Variants in CYFIP1 observed in about 807,000 individuals in gnomAD.
CYFIP1 encodes the protein cytoplasmic FMR1 interacting protein 1.
In CYFIP1, 58 loss-of-function variants were observed where a neutral mutation model predicts 163.5. That is an observed-to-expected ratio of 0.35 (90% confidence interval 0.29 to 0.44). The LOEUF (loss-of-function observed/expected upper bound fraction) is 0.44, where lower values mean the gene tolerates loss of function less well. Among genes scored for constraint, CYFIP1 ranks in the 20% least tolerant of loss-of-function variants. CYFIP1 has a pLI of 1.00. For missense variants in CYFIP1, 1,338 were observed against 1,653.8 expected (o/e 0.81, Z 3.31); for synonymous variants, 663 against 660.7 (o/e 1.00, Z -0.05).
chr15:22,870,016 C>T lies in CYFIP1; in HGVS notation c.*12G>A, dbSNP rs779569092. 6.3e-7 allele frequency: 1 copy of T among 1,581,170 alleles called. No homozygotes were observed. Among genetic ancestry groups the T allele is most frequent in the Non-Finnish European group, 8.6e-7 (1 of 1,168,570 alleles). Reference sequence around the variant, plus strand: ...GCATGCCATGTTGAGTTACGGAGTGCAGCGCGTGCCCTCAGCTGCTGGCGA... The same window carrying T: ...GCATGCCATGTTGAGTTACGGAGTGTAGCGCGTGCCCTCAGCTGCTGGCGA... On this transcript the variant is annotated 3_prime_UTR_variant, in exon 31 of 31. Coordinates refer to ENST00000617928, the MANE Select transcript of CYFIP1 (RefSeq NM_014608.6).
At chr15:22,919,650 C>T (rs767942329) in intron 13 of CYFIP1, among the ~76,000 whole-genome samples, 6 of 152,128 alleles carry the variant, frequency 3.9e-5, no homozygotes, top group Non-Finnish European at 7.4e-5. Flanking sequence ...TTAATAGCAC[C>T]AGTGAAACAT....
intron 23 of CYFIP1, among the ~76,000 whole-genome samples, chr15:22,888,726 CCT>C (rs2059989250): frequency 7.4e-6 from 1 of 134,394 alleles, no homozygotes; most frequent in African/African-American, 2.6e-5. Context: ...AAGCAAAAAC[CCT>C]GTCTCAAAAA....
intron 16 of CYFIP1, among the ~76,000 whole-genome samples, chr15:22,915,840 G>A (rs535222782): frequency 6.6e-6 from 1 of 152,286 alleles, no homozygotes; most frequent in South Asian, 2.1e-4. Context: ...CACACTCAGG[G>A]AGGTCTGTCT....
chr15:22,927,770 C>T (rs995656170), intron 12 of CYFIP1, 136 bp downstream of exon 12: 3 of 837,598 alleles, frequency 3.6e-6, no homozygotes, highest in African/African-American at 1.8e-5. Flanking sequence ...CTTAAAATCA[C>T]CTTGGAAACA....
At chr15:22,927,788 T>G in intron 12 of CYFIP1, 118 bp downstream of exon 12, 1 of 984,776 alleles carries the variant, frequency 1.0e-6, no homozygotes, top group Non-Finnish European at 1.4e-6. Flanking sequence ...ACATATCTAC[T>G]GATAGATATT....
chr15:22,897,088 C>T (rs570142906), intron 22 of CYFIP1, among the ~76,000 whole-genome samples: 1 of 152,164 alleles, frequency 6.6e-6, no homozygotes, highest in South Asian at 2.1e-4. Flanking sequence ...TGGCACATGC[C>T]TGTAATCTCA....
Position 22,968,675 on chromosome 15 carries a change from ACCTTATC to A in CYFIP1, c.-7+11605_-7+11611del, listed in dbSNP as rs2062992290. On this transcript the variant is annotated intron_variant, in intron 1 of 30. Transcript: ENST00000617928. ...GAAAACACAACTTGTGCATATGAAA[ACCTTATC>A]CCTGTGGTCTCCTTGACAGGAACAA... Among the ~76,000 whole-genome samples, 4 of 152,062 alleles carry A rather than the reference ACCTTATC, an allele frequency of 2.6e-5. No individual in the cohort carries two copies. In the South Asian group the frequency reaches 8.3e-4, roughly 32 times the overall value.
Position 22,916,589 on chromosome 15 carries a change from G to A in CYFIP1, c.1716C>T (p.Asp572=), listed in dbSNP as rs756110936. Residue 572 remains aspartate, a synonymous_variant, in exon 16 of 31, where the codon GAC becomes GAT. Transcript: ENST00000617928. Reference sequence around the variant, plus strand: ...TCAAGGTTTTCTTGGAACCACTTTTGTCTGCAATGAGGGACTCTAGCATGG... The same window carrying A: ...TCAAGGTTTTCTTGGAACCACTTTTATCTGCAATGAGGGACTCTAGCATGG... ...VRTMLESLIA[D]KSGSKKTLRS... is the part of the protein sequence containing the mutation. 3.7e-6 allele frequency: 6 copies of A among 1,613,962 alleles called. No homozygotes were observed. The highest frequency in any genetic ancestry group is 5.1e-6 in the Non-Finnish European group (6 of 1,180,008).
chr15:22,917,190 A>G lies in CYFIP1; in HGVS notation c.1675-560T>C, dbSNP rs2061015196. 3.5e-6 allele frequency: 5 copies of G among 1,426,006 alleles called. No homozygotes were observed. Among genetic ancestry groups the G allele is most frequent in the Non-Finnish European group, 4.6e-6 (5 of 1,096,642 alleles). The allele number at this position is 1,426,006 out of a possible 1,614,324, so 88.3% of individuals were successfully genotyped here. ...GTCCCCCTGACCCTCCTGCAGAGCC[A>G]GCAGCGTGCATTGCTGGTGACTTTC... On this transcript the variant is annotated intron_variant, in intron 15 of 30. Transcript: ENST00000617928. This position sits in a 1 kb window ranked among gnomAD's most constrained non-coding sequence, Gnocchi z 4.2.
At chr15:22,907,344 C>CACAGGGGTGCCAGT (rs2060619596) in intron 21 of CYFIP1, among the ~76,000 whole-genome samples, 3 of 151,916 alleles carry the variant, frequency 2.0e-5, no homozygotes, top group South Asian at 2.1e-4. Context: ...GGGGTGCCAG[C>CACAGGGGTGCCAGT]GTTGGCACAG....
chr15:22,871,957 A>G (rs1166716124), intron 30 of CYFIP1, among the ~76,000 whole-genome samples: 17 of 151,336 alleles, frequency 1.1e-4, no homozygotes, highest in Admixed American at 1.1e-3. Context: ...TGGTATTTAA[A>G]CTGCCAAGCC....
intron 17 of CYFIP1, among the ~76,000 whole-genome samples, chr15:22,913,683 C>T (rs2060872225): frequency 6.6e-6 from 1 of 150,698 alleles, no homozygotes; most frequent in Non-Finnish European, 1.5e-5. Flanking sequence ...TCCAGCATGG[C>T]CCATGGTTGA....
In CYFIP1 at chr15:22,898,912, G is replaced by C. The variant is rs1419689396; in HGVS notation, c.2588+4794C>G. Among the ~76,000 whole-genome samples, 5 of 152,096 alleles carry C rather than the reference G, an allele frequency of 3.3e-5. No homozygotes were observed. The East Asian group carries it at 9.7e-4, about 29-fold the overall frequency. ...AGCTAATCGGGAGGCTAAGGCAGGG[G>C]AATTGCTTGAATCCGGGAGGCAGAG... On this transcript the variant is annotated intron_variant, in intron 22 of 30. Transcript: ENST00000617928.
chr15:22,934,485 C>CTTTTTTTTT (rs35881374), intron 9 of CYFIP1, among the ~76,000 whole-genome samples: 1 of 49,798 alleles, frequency 2.0e-5, no homozygotes, highest in Non-Finnish European at 3.6e-5. Flanking sequence ...GCACCCAGCC[C>CTTTTTTTTT]TTTTTTTTTT....
chr15:22,874,459 C>T (rs1209833630), intron 28 of CYFIP1, 91 bp downstream of exon 28: 11 of 942,118 alleles, frequency 1.2e-5, no homozygotes, highest in Admixed American at 3.1e-5. Context: ...CTGGACTTCA[C>T]GATGCCTTCC....
Position 22,873,697 on chromosome 15 carries a change from C to G in CYFIP1, c.3243G>C (p.Leu1081=). 6.2e-7 allele frequency: 1 copy of G among 1,613,896 alleles called. No homozygotes were observed. Among genetic ancestry groups the G allele is most frequent in the Middle Eastern group, 1.7e-4 (1 of 6,060 alleles). The part of the protein sequence containing the change: ...QIAIAREGDL[L]TKERLCCGLS... Reference sequence around the variant, plus strand: ...GGCCGCAGCAGAGGCGCTCCTTTGTCAGCAGGTCCCCCTCTCTTGCGATGG... The same window carrying G: ...GGCCGCAGCAGAGGCGCTCCTTTGTGAGCAGGTCCCCCTCTCTTGCGATGG... The change falls in exon 29 of 31, where the codon CTG becomes CTC. Residue 1081 remains leucine, a synonymous_variant. Transcript: ENST00000617928.
chr15:22,970,308 T>C (rs550842941), intron 1 of CYFIP1, among the ~76,000 whole-genome samples: 44 of 152,068 alleles, frequency 2.9e-4, no homozygotes, highest in Non-Finnish European at 5.3e-4. Flanking sequence ...TACAAACAAA[T>C]GGAAAGACAT....
At chr15:22,922,545 A>T (rs1407626963) in intron 13 of CYFIP1, among the ~76,000 whole-genome samples, 6 of 152,218 alleles carry the variant, frequency 3.9e-5, no homozygotes, top group South Asian at 2.1e-4. Context: ...CAGTGCAACA[A>T]CTACCAAGCC....
chr15:22,918,655 G>A lies in CYFIP1; in HGVS notation c.1526+37C>T, dbSNP rs752608190. Reference sequence around the variant, plus strand: ...TGAATCCAAGTTCATCCGAGGACGTGTGGGCACAGCGGGCACAGGGCGTGG... The same window carrying A: ...TGAATCCAAGTTCATCCGAGGACGTATGGGCACAGCGGGCACAGGGCGTGG... On this transcript the variant is annotated intron_variant, in intron 14 of 30. Coordinates refer to ENST00000617928, the MANE Select transcript of CYFIP1 (RefSeq NM_014608.6). 1.9e-5 allele frequency: 29 copies of A among 1,514,448 alleles called. No homozygotes were observed. The South Asian group carries it at 3.4e-4, about 18-fold the overall frequency. The allele number at this position is 1,514,448 out of a possible 1,614,324, so 93.8% of individuals were successfully genotyped here.
Sources: gnomAD v4.1 joint callset for allele counts (sites outside exome capture counted in the v4.1 genomes callset) on GRCh38, gnomAD v4.1.1 for gene constraint, Gnocchi (gnomAD v3.1) non-coding constraint, MANE v1.5 for transcripts, NCBI Gene and HGNC (gene_info 2026-07-23, HGNC 2026-07-21) for gene names.